The following CD302 variants were observed in gnomAD, a reference collection of about 807,000 sequenced individuals.
The protein encoded by CD302 is CD302 molecule, also known as CD302 antigen.
In CD302, 23 loss-of-function variants were observed where a neutral mutation model predicts 26.5. That is an observed-to-expected ratio of 0.87 (90% confidence interval 0.62 to 1.23). The LOEUF is 1.23. Among genes scored for constraint, CD302 ranks in the 50% most tolerant of loss-of-function variants. CD302 has a pLI of 0.00. For synonymous variants in CD302, 90 were observed against 99.4 expected, an observed-to-expected ratio of 0.91 and a Z score of 0.56; for missense variants, 290 against 275.5, an observed-to-expected ratio of 1.05 and a Z score of -0.37.
At chr2:159,772,446 G>C (rs1462880179) in intron 5 of CD302, among the ~76,000 whole-genome samples, 1 of 151,964 alleles carries the variant, frequency 6.6e-6, no homozygotes, top group Non-Finnish European at 1.5e-5. Context: ...GGTTCACCTG[G>C]CTTTGGGGAT....
chr2:159,791,246 T>C (rs1260888058), intron 1 of CD302, among the ~76,000 whole-genome samples: 4 of 152,204 alleles, frequency 2.6e-5, no homozygotes, highest in African/African-American at 9.6e-5. Context: ...TACAGATACA[T>C]GGCCAATAAG....
At chr2:159,776,803 C>A (rs1708346429) in intron 5 of CD302, among the ~76,000 whole-genome samples, 1 of 148,020 alleles carries the variant, frequency 6.8e-6, no homozygotes, top group Non-Finnish European at 1.5e-5. Flanking sequence ...CTCCCAAATT[C>A]ATGCAATTCT....
In CD302 at chr2:159,786,920, C is replaced by A. The variant is rs1458483006; in HGVS notation, c.68-3451G>T. On this transcript the variant is annotated intron_variant, in intron 1 of 5. Coordinates refer to ENST00000259053, the MANE Select transcript of CD302 (RefSeq NM_014880.5). Reference sequence around the variant, plus strand: ...AGGTCATCTCTAACCTAACTTCTAACACCATCGATTAGTTTTGCCTGTTTT... The same window carrying A: ...AGGTCATCTCTAACCTAACTTCTAAAACCATCGATTAGTTTTGCCTGTTTT... Among the ~76,000 whole-genome samples the A allele has an allele frequency of 3.9e-5, 6 of 152,186 alleles. No homozygotes were observed. In the East Asian group the frequency reaches 1.2e-3, roughly 29 times the overall value.
chr2:159,786,988 T>A (rs191136387), intron 1 of CD302, among the ~76,000 whole-genome samples: 292 of 152,354 alleles, frequency 1.9e-3, no homozygotes, highest in African/African-American at 6.7e-3. Flanking sequence ...TACTCTTTTG[T>A]GTCTGGCTTC....
intron 1 of CD302, among the ~76,000 whole-genome samples, chr2:159,793,724 G>A (rs193029777): frequency 1.5e-4 from 23 of 152,240 alleles, no homozygotes; most frequent in Admixed American, 1.2e-3. Flanking sequence ...TGTACTCTGA[G>A]CTTCAAGATC....
chr2:159,773,504 A>T (rs557030842), intron 5 of CD302, among the ~76,000 whole-genome samples: 1 of 152,220 alleles, frequency 6.6e-6, no homozygotes, highest in African/African-American at 2.4e-5. Context: ...AGTAATTGAG[A>T]AATATTTACA....
intron 5 of CD302, among the ~76,000 whole-genome samples, chr2:159,777,576 A>G (rs1270854874): frequency 1.3e-5 from 2 of 152,246 alleles, no homozygotes; most frequent in Non-Finnish European, 2.9e-5. Context: ...GTTCATAGGC[A>G]GTTCTATTCA....
intron 5 of CD302, among the ~76,000 whole-genome samples, chr2:159,773,042 C>G (rs1051386649): frequency 3.3e-5 from 5 of 152,124 alleles, no homozygotes; most frequent in African/African-American, 1.2e-4. Flanking sequence ...GAAAAAAAGC[C>G]AAGAATTCCG....
At chr2:159,784,173 AC>A (rs1708598698) in intron 1 of CD302, among the ~76,000 whole-genome samples, 1 of 152,124 alleles carries the variant, frequency 6.6e-6, no homozygotes, top group Non-Finnish European at 1.5e-5. Context: ...AGCAAAAGTA[AC>A]CCTGCAAGAG....
rs776242389 is a variant in CD302, at chr2:159,783,477, G to GA, written c.68-9dup. 2.6e-5 allele frequency: 40 copies of GA among 1,567,742 alleles called. No individual in the cohort carries two copies. In the African/African-American group the frequency reaches 3.7e-4, roughly 15 times the overall value. ...AAGTAGATGAAGGACAGTCTATGTA[G>GA]AAAAAAGAAGAACACTGTTAAATAA... On this transcript the variant is annotated splice_polypyrimidine_tract_variant and intron_variant, in intron 1 of 5. Coordinates refer to ENST00000259053, the MANE Select transcript of CD302 (RefSeq NM_014880.5).
rs943140388 is a variant in CD302, at chr2:159,773,769, T to A, written c.497-1716A>T. 9.9e-5 allele frequency among the ~76,000 whole-genome samples: 15 copies of A among 152,214 alleles called. 1 individual carries two copies. Among genetic ancestry groups the A allele is most frequent in the Admixed American group, 9.8e-4 (15 of 15,278 alleles). On this transcript the variant is annotated intron_variant, in intron 5 of 5. Transcript: ENST00000259053. ...ATCTGGAGGTTAGGATAGTTTTACA[T>A]TAGGAAATGTATTATCTACCTCATT...
intron 4 of CD302, among the ~76,000 whole-genome samples, chr2:159,779,620 A>G (rs1708446752): frequency 7.1e-6 from 1 of 141,112 alleles, no homozygotes; most frequent in African/African-American, 2.6e-5. Context: ...CTGAAGTCTT[A>G]TTCCCTCTAT....
chr2:159,779,900 G>T, intron 4 of CD302, 105 bp downstream of exon 4: 1 of 1,370,384 alleles, frequency 7.3e-7, no homozygotes, highest in Non-Finnish European at 9.9e-7. Context: ...ACTGTGCCTA[G>T]CCTTATTCTA....
At position 159,789,080 on chromosome 2, in the gene CD302, T is replaced by C. The variant is rs1048206861; in HGVS notation, c.68-5611A>G. On this transcript the variant is annotated intron_variant, in intron 1 of 5. Coordinates refer to ENST00000259053, the MANE Select transcript of CD302 (RefSeq NM_014880.5). Reference sequence around the variant, plus strand: ...TCACCCAGGCTGGGGTACAATGGCATGGTCATAGCTCATTGCAGCCTTGAA... The same window carrying C: ...TCACCCAGGCTGGGGTACAATGGCACGGTCATAGCTCATTGCAGCCTTGAA... 3.9e-4 allele frequency among the ~76,000 whole-genome samples: 60 copies of C among 151,974 alleles called. 1 individual carries two copies. The highest frequency in any genetic ancestry group is 2.9e-5 in the Non-Finnish European group (2 of 67,996).
intron 4 of CD302, 75 bp downstream of exon 4, chr2:159,779,928 ATC>A: frequency 6.6e-7 from 1 of 1,505,800 alleles, no homozygotes; most frequent in Non-Finnish European, 8.9e-7. Context: ...AGGCACACTT[ATC>A]TCAAAATTAT....
At chr2:159,774,821 C>T (rs1186290974) in intron 5 of CD302, among the ~76,000 whole-genome samples, 1 of 152,186 alleles carries the variant, frequency 6.6e-6, no homozygotes, top group East Asian at 1.9e-4. Context: ...TTCCAGCTTA[C>T]CCTTGGTATG....
intron 1 of CD302, among the ~76,000 whole-genome samples, chr2:159,787,142 A>T (rs1250731636): frequency 6.6e-6 from 1 of 152,188 alleles, no homozygotes; most frequent in African/African-American, 2.4e-5. Context: ...ACTTCTTGTG[A>T]GTACCTTTGT....
intron 2 of CD302, among the ~76,000 whole-genome samples, chr2:159,781,835 C>T (rs781600173): frequency 1.3e-5 from 2 of 151,946 alleles, no homozygotes; most frequent in East Asian, 1.9e-4. Context: ...TACTATGTGG[C>T]GCTTTAATAA....
chr2:159,786,645 A>G (rs1443039524), intron 1 of CD302, among the ~76,000 whole-genome samples: 1 of 152,192 alleles, frequency 6.6e-6, no homozygotes, highest in Non-Finnish European at 1.5e-5. Flanking sequence ...AGTTTCTTAC[A>G]TACTAAAATA....
Sources: gnomAD v4.1 joint callset for allele counts (sites outside exome capture counted in the v4.1 genomes callset) on GRCh38, gnomAD v4.1.1 for gene constraint, MANE v1.5 for transcripts, NCBI Gene and HGNC (gene_info 2026-07-23, HGNC 2026-07-21) for gene names.